Variants in ATF1 observed in about 807,000 individuals in gnomAD.
The protein encoded by ATF1 is activating transcription factor 1.
A neutral mutation model predicts 34.7 loss-of-function variants in ATF1; 16 were observed. The observed-to-expected ratio is 0.46, with a 90% CI of 0.31 to 0.70. The LOEUF (loss-of-function observed/expected upper bound fraction) is 0.70. Among genes scored for constraint, ATF1 ranks in the 30% least tolerant of loss-of-function variants. The pLI, the probability that ATF1 is intolerant of heterozygous loss-of-function variation, is 0.05. For synonymous variants in ATF1, 105 were observed against 113.1 expected (o/e 0.93, Z 0.46); for missense variants, 255 against 321.6 (o/e 0.79, Z 1.58).
At chr12:50,778,190 A>G (rs1391714374) in intron 1 of ATF1, among the ~76,000 whole-genome samples, 5 of 148,840 alleles carry the variant, frequency 3.4e-5, no homozygotes, top group African/African-American at 9.9e-5. Context: ...TGTTGAGATC[A>G]TGGGCGTGAG....
intron 3 of ATF1, among the ~76,000 whole-genome samples, chr12:50,805,526 C>G (rs1941597359): frequency 6.7e-6 from 1 of 148,304 alleles, no homozygotes; most frequent in South Asian, 2.1e-4. Flanking sequence ...CCACTTTACT[C>G]CAGCCTAGGT....
chr12:50,769,553 G>T lies in ATF1; in HGVS notation c.-7+5246G>T, dbSNP rs533566621. On this transcript the variant is annotated intron_variant, in intron 1 of 6. Transcript: ENST00000262053. The stretch of plus-strand genomic sequence containing the variant: ...CAGGAAGCATTATCAAATGTCAAAT[G>T]GTGTTTTGCTTTCTTTGGATTATAT... Among the ~76,000 whole-genome samples the T allele has an allele frequency of 2.0e-5, 3 of 151,902 alleles. No individual in the cohort carries two copies. In the South Asian group the frequency reaches 6.2e-4, roughly 32 times the overall value.
At chr12:50,797,350 G>C (rs1355036172) in intron 3 of ATF1, among the ~76,000 whole-genome samples, 1 of 152,204 alleles carries the variant, frequency 6.6e-6, no homozygotes. Context: ...ATAAACCTGA[G>C]ATCTTAAAAG....
intron 2 of ATF1, among the ~76,000 whole-genome samples, chr12:50,783,916 C>T (rs922440942): frequency 6.6e-6 from 1 of 150,844 alleles, no homozygotes; most frequent in Non-Finnish European, 1.5e-5. Flanking sequence ...ACCTATAATC[C>T]CAGCACTTTG....
At chr12:50,769,292 G>T (rs926484218) in intron 1 of ATF1, among the ~76,000 whole-genome samples, 1 of 152,074 alleles carries the variant, frequency 6.6e-6, no homozygotes, top group Non-Finnish European at 1.5e-5. Context: ...ATCACCTGAG[G>T]TTAGGAGTTT....
At chr12:50,780,025 C>T in intron 1 of ATF1, 115 bp from the exon 2 acceptor site, 1 of 671,550 alleles carries the variant, frequency 1.5e-6, no homozygotes, top group Non-Finnish European at 2.4e-6. Flanking sequence ...TATACCATTG[C>T]TACCAGTTCT....
Position 50,819,622 on chromosome 12 carries a change from T to C in ATF1, c.672-13T>C, listed in dbSNP as rs772783453. The C allele has an allele frequency of 5.6e-6, 9 of 1,606,552 alleles. No homozygotes were observed. The African/African-American group carries it at 1.1e-4, about 19-fold the overall frequency. ...GTTTTTTCTAACATTGTTTTTTTAATGCTCATATTTAGAGAAGCTGCTCGA... is the reference window on the plus strand; with the variant it reads ...GTTTTTTCTAACATTGTTTTTTTAACGCTCATATTTAGAGAAGCTGCTCGA... On this transcript the variant is annotated splice_polypyrimidine_tract_variant and intron_variant, in intron 6 of 6. Coordinates refer to ENST00000262053, the MANE Select transcript of ATF1 (RefSeq NM_005171.5).
intron 2 of ATF1, among the ~76,000 whole-genome samples, chr12:50,783,175 A>T (rs1941108948): frequency 6.6e-6 from 1 of 152,174 alleles, no homozygotes; most frequent in Non-Finnish European, 1.5e-5. Context: ...AAATATGGTA[A>T]GTATTAATAA....
chr12:50,805,844 A>C (rs1354349324), intron 3 of ATF1, among the ~76,000 whole-genome samples: 1 of 152,014 alleles, frequency 6.6e-6, no homozygotes, highest in Non-Finnish European at 1.5e-5. Context: ...AATTATTTGC[A>C]TTACAGTGTT....
At chr12:50,793,114 T>C (rs1173859717) in intron 2 of ATF1, among the ~76,000 whole-genome samples, 1 of 152,234 alleles carries the variant, frequency 6.6e-6, no homozygotes, top group Non-Finnish European at 1.5e-5. Flanking sequence ...GCTGCATCTT[T>C]ATGTGGTACT....
At chr12:50,783,306 T>C (rs746982917) in intron 2 of ATF1, among the ~76,000 whole-genome samples, 6 of 152,192 alleles carry the variant, frequency 3.9e-5, no homozygotes, top group Non-Finnish European at 8.8e-5. Context: ...GCTTGATATA[T>C]CCTTCTGCCT....
intron 2 of ATF1, among the ~76,000 whole-genome samples, chr12:50,784,146 G>A (rs1312608941): frequency 2.6e-5 from 4 of 151,704 alleles, no homozygotes; most frequent in Non-Finnish European, 5.9e-5. Context: ...CTGGGTCACA[G>A]CATGATCCTG....
chr12:50,786,612 A>C (rs913191118), intron 2 of ATF1, among the ~76,000 whole-genome samples: 1 of 152,140 alleles, frequency 6.6e-6, no homozygotes, highest in Admixed American at 6.5e-5. Flanking sequence ...AGCCGCTGGG[A>C]AAAAGGAAAT....
At chr12:50,764,068 C>A (rs1940560117), upstream of ATF1, 1 of 151,314 alleles carries the variant, frequency 6.6e-6, no homozygotes, top group African/African-American at 2.4e-5. Flanking sequence ...CCGCCCCCGC[C>A]CCCGCCCCCA....
intron 1 of ATF1, among the ~76,000 whole-genome samples, chr12:50,777,460 G>A (rs557156238): frequency 1.3e-5 from 2 of 152,188 alleles, no homozygotes; most frequent in Admixed American, 1.3e-4. Context: ...CTAAAAACAA[G>A]AGCTTCAATT....
intron 3 of ATF1, among the ~76,000 whole-genome samples, chr12:50,802,583 C>G (rs1055823448): frequency 2.0e-5 from 3 of 151,726 alleles, no homozygotes; most frequent in Admixed American, 1.3e-4. Context: ...TTTAAAAGAT[C>G]TAAGTAAGGC....
At chr12:50,798,340 G>A (rs1247591763) in intron 3 of ATF1, among the ~76,000 whole-genome samples, 1 of 150,438 alleles carries the variant, frequency 6.6e-6, no homozygotes, top group Non-Finnish European at 1.5e-5. Context: ...ATGGAGTCTC[G>A]CTCTGTCATC....
intron 1 of ATF1, among the ~76,000 whole-genome samples, chr12:50,775,109 T>G (rs1010848197): frequency 6.6e-6 from 1 of 151,876 alleles, no homozygotes; most frequent in Admixed American, 6.6e-5. Context: ...ATCTTTTGTT[T>G]TTTTTTTTTA....
rs1941914727 is a variant in ATF1 at position 50,819,899 on chromosome 12, G to A, written c.*120G>A. On this transcript the variant is annotated 3_prime_UTR_variant, in exon 7 of 7. Coordinates refer to ENST00000262053, the MANE Select transcript of ATF1 (RefSeq NM_005171.5). ...TTTATTTAGGCTTTTCCAAATCAAG[G>A]ATAAATATCTTACGCACGATATCTA... 7.8e-6 allele frequency: 7 copies of A among 899,244 alleles called. No individual in the cohort carries two copies. The highest frequency in any genetic ancestry group is 3.3e-5 in the Admixed American group (1 of 30,416). The allele number at this position is 899,244 out of a possible 1,614,324, so 55.7% of individuals were successfully genotyped here.
Sources: allele counts gnomAD v4.1 joint callset (sites outside exome capture counted in the v4.1 genomes callset), GRCh38; gene constraint gnomAD v4.1.1; transcripts MANE v1.5; gene names NCBI Gene and HGNC (gene_info 2026-07-23, HGNC 2026-07-21).